RRAGB: variants seen among roughly 807,000 people sequenced by gnomAD.
RRAGB encodes Ras related GTP binding B.
Under a neutral mutation model 29.3 loss-of-function variants are expected in RRAGB, and 6 were observed. The observed-to-expected ratio is 0.21, with a 90% CI of 0.11 to 0.40. The LOEUF (loss-of-function observed/expected upper bound fraction) is 0.40. Ranked by LOEUF, RRAGB falls within the 10% of genes least tolerant of loss-of-function variation. The probability of loss-of-function intolerance (pLI) is 1.00; values close to 1 mark genes in which losing one functional copy is unlikely to be tolerated. For synonymous variants in RRAGB, 101 were observed against 92.5 expected (o/e 1.09, Z -0.53); for missense variants, 184 against 272.9 (o/e 0.67, Z 2.29).
chrX:55,722,544 A>G (rs1363056359), intron 3 of RRAGB, among the ~76,000 whole-genome samples: 2 of 111,648 alleles, frequency 1.8e-5, no homozygotes, highest in African/African-American at 6.5e-5. Flanking sequence ...TTATTCTGCT[A>G]TTTCTTAAAC....
intron 4 of RRAGB, 37 bp from the exon 5 acceptor site, chrX:55,731,327 G>C (rs2033670761): frequency 9.7e-7 from 1 of 1,034,836 alleles, no homozygotes; most frequent in Non-Finnish European, 1.3e-6. Context: ...TGATTGAATT[G>C]AGGATTTGCT....
At chrX:55,729,502 A>G (rs2033599363) in intron 4 of RRAGB, 142 bp downstream of exon 4, 2 of 413,174 alleles carry the variant, frequency 4.8e-6, no homozygotes, top group Admixed American at 4.0e-5. Flanking sequence ...ACTTGAGTCA[A>G]TAAACATCTC....
At chrX:55,746,651 C>T (rs1020975274) in intron 5 of RRAGB, among the ~76,000 whole-genome samples, 2 of 112,254 alleles carry the variant, frequency 1.8e-5, no homozygotes. Context: ...TTAAATGAAT[C>T]TGTTAATACT....
intron 3 of RRAGB, among the ~76,000 whole-genome samples, chrX:55,727,772 T>G (rs1406631133): frequency 8.9e-6 from 1 of 112,369 alleles, no homozygotes; most frequent in Non-Finnish European, 1.9e-5. Flanking sequence ...ATAGGAGAGA[T>G]ATCACTGTGT....
intron 2 of RRAGB, among the ~76,000 whole-genome samples, chrX:55,720,762 G>C (rs1346129626): frequency 9.0e-6 from 1 of 110,579 alleles, no homozygotes; most frequent in Admixed American, 9.6e-5. Flanking sequence ...GAGGTGGGGG[G>C]CTCAGGTGGG....
At chrX:55,737,663 G>A (rs1012586074) in intron 5 of RRAGB, among the ~76,000 whole-genome samples, 1 of 112,636 alleles carries the variant, frequency 8.9e-6, no homozygotes, top group Non-Finnish European at 1.9e-5. Flanking sequence ...CCTTGATGTG[G>A]TGCACTCCCT....
At chrX:55,734,025 G>T (rs772388945) in intron 5 of RRAGB, among the ~76,000 whole-genome samples, 1 of 108,297 alleles carries the variant, frequency 9.2e-6, no homozygotes, top group African/African-American at 3.4e-5. Context: ...GTGCAGTGGC[G>T]TGGTCTCGTC....
At chrX:55,747,899 G>T (rs1162222380) in intron 5 of RRAGB, among the ~76,000 whole-genome samples, 2 of 99,678 alleles carry the variant, frequency 2.0e-5, no homozygotes, top group Non-Finnish European at 4.1e-5. Flanking sequence ...CTCTTTCCAC[G>T]GTCTCCCCCT....
chrX:55,725,209 T>TA (rs1569235862), intron 3 of RRAGB, among the ~76,000 whole-genome samples: 1 of 112,274 alleles, frequency 8.9e-6, no homozygotes, highest in Non-Finnish European at 1.9e-5. Context: ...TGAAACTTTT[T>TA]ATGTAGCAGG....
intron 5 of RRAGB, among the ~76,000 whole-genome samples, chrX:55,738,651 T>C (rs191491024): frequency 2.1e-4 from 24 of 112,414 alleles, no homozygotes; most frequent in Non-Finnish European, 4.5e-4. Context: ...TGGTGTGTTA[T>C]TGTGTCAGCA....
intron 4 of RRAGB, 116 bp from the exon 5 acceptor site, chrX:55,731,248 C>G: frequency 1.8e-6 from 1 of 541,277 alleles, no homozygotes; most frequent in Non-Finnish European, 3.0e-6. Context: ...ATGATTTGCC[C>G]TTTAAATTGA....
intron 5 of RRAGB, among the ~76,000 whole-genome samples, chrX:55,744,663 G>T (rs187658730): frequency 1.0e-3 from 113 of 112,106 alleles, no homozygotes; most frequent in Middle Eastern, 9.2e-3. Context: ...CCCAAAAGGG[G>T]TATAGTTATC....
Position 55,757,300 on chromosome X carries a change from T to C in RRAGB, c.912T>C (p.Tyr304=), listed in dbSNP as rs1171910325. 4 of 1,169,760 alleles carry C rather than the reference T, an allele frequency of 3.4e-6. No individual in the cohort carries two copies. Among genetic ancestry groups the C allele is most frequent in the Admixed American group, 4.4e-5 (2 of 45,466 alleles). The part of the protein sequence containing the change: ...AFIDIFTSNT[Y]VMVVMSDPSI... ...TTGACATCTTTACATCCAACACTTATGTGATGGTTGTGATGTCTGATCCGT... is the reference window on the plus strand; with the variant it reads ...TTGACATCTTTACATCCAACACTTACGTGATGGTTGTGATGTCTGATCCGT... The change falls in exon 9 of 10, where the codon TAT becomes TAC. Residue 304 remains tyrosine (Y), a synonymous_variant. Transcript: ENST00000374941.
rs1412750121 is a variant in RRAGB at position 55,744,842 on chromosome X, G to T, written c.517-6259G>T. On this transcript the variant is annotated intron_variant, in intron 5 of 9. Transcript: ENST00000374941. ...CAAGTGGAAAGCAGCTTGAGTTGCA[G>T]CCTGAACCTTCTGTTCTGGGACCTA... 6.1e-4 allele frequency among the ~76,000 whole-genome samples: 68 copies of T among 111,882 alleles called. 5 individuals carry two copies.
At chrX:55,733,617 G>A (rs926190787) in intron 5 of RRAGB, among the ~76,000 whole-genome samples, 1 of 112,013 alleles carries the variant, frequency 8.9e-6, no homozygotes, top group East Asian at 2.8e-4. Context: ...ATTGACTTGT[G>A]TATATTGAAC....
chrX:55,737,454 G>A (rs1309384201), intron 5 of RRAGB, among the ~76,000 whole-genome samples: 1 of 112,425 alleles, frequency 8.9e-6, no homozygotes, highest in African/African-American at 3.2e-5. Context: ...ATCTGCAAGT[G>A]GTGGGCAAGG....
intron 5 of RRAGB, among the ~76,000 whole-genome samples, chrX:55,739,376 C>T (rs147686550): frequency 4.3e-5 from 4 of 93,645 alleles, no homozygotes; most frequent in Non-Finnish European, 8.7e-5. Flanking sequence ...CCTGTGACCA[C>T]TGCCTGAGTT....
intron 2 of RRAGB, 58 bp from the exon 3 acceptor site, chrX:55,722,128 C>A (rs2033302410): frequency 1.4e-6 from 1 of 698,272 alleles, no homozygotes; most frequent in East Asian, 3.2e-5. Context: ...TCCCTTTAGA[C>A]TTGATTTGCT....
chrX:55,753,424 C>T lies in RRAGB; in HGVS notation c.645C>T (p.Pro215=). 8.3e-7 allele frequency: 1 copy of T among 1,201,588 alleles called. No homozygotes were observed. The highest frequency in any genetic ancestry group is 1.1e-6 in the Non-Finnish European group (1 of 887,311). Residue 215 remains proline (P), a synonymous_variant, in exon 7 of 10, where the codon CCC becomes CCT. Transcript: ENST00000374941. The part of the protein sequence containing the change: ...AWSSIVYQLI[P]NVQQLEMNLR... ...CCAGCATAGTTTATCAGCTGATTCC[C>T]AATGTTCAGCAGCTGGAAATGAACC...
Sources: allele counts gnomAD v4.1 joint callset (sites outside exome capture counted in the v4.1 genomes callset), GRCh38; gene constraint gnomAD v4.1.1; transcripts MANE v1.5; gene names NCBI Gene and HGNC (gene_info 2026-07-23, HGNC 2026-07-21).